KIF26B: variants seen among roughly 807,000 people sequenced by gnomAD.
KIF26B encodes the protein kinesin family member 26B, also known as kinesin-like protein KIF26B.
Under a neutral mutation model 151.2 loss-of-function variants are expected in KIF26B, and 63 were observed. The observed-to-expected ratio is 0.42, with a 90% CI of 0.34 to 0.51. KIF26B has a LOEUF of 0.51. Among genes scored for constraint, KIF26B ranks in the 20% least tolerant of loss-of-function variants. The pLI, the probability that KIF26B is intolerant of heterozygous loss-of-function variation, is 0.07. For synonymous variants in KIF26B, 1,357 were observed against 1,262.1 expected, an observed-to-expected ratio of 1.08 and a Z score of -1.59; for missense variants, 2,813 against 2,913.6, an observed-to-expected ratio of 0.97 and a Z score of 0.79.
intron 4 of KIF26B, among the ~76,000 whole-genome samples, chr1:245,420,207 C>T (rs1768079): frequency 0.052 from 7,905 of 152,228 alleles, 692 homozygotes; most frequent in African/African-American, 0.18. Flanking sequence ...GGCAGGTTTT[C>T]TCCCCCGCTT....
At chr1:245,353,099 G>C (rs563234786) in intron 2 of KIF26B, among the ~76,000 whole-genome samples, 1 of 152,340 alleles carries the variant, frequency 6.6e-6, no homozygotes, top group Non-Finnish European at 1.5e-5. Flanking sequence ...GTTAAAGATA[G>C]TCAGAAGGCT....
At chr1:245,163,490 AGG>A (rs1301501527) in intron 2 of KIF26B, among the ~76,000 whole-genome samples, 2 of 152,132 alleles carry the variant, frequency 1.3e-5, no homozygotes, top group Non-Finnish European at 2.9e-5. Context: ...CATGTTTGGC[AGG>A]GCTAGCTCTC....
chr1:245,677,284 GTGTT>G (rs2044368749), intron 10 of KIF26B, among the ~76,000 whole-genome samples: 1 of 152,192 alleles, frequency 6.6e-6, no homozygotes, highest in Admixed American at 6.5e-5. Flanking sequence ...CCGAATGACA[GTGTT>G]TGCAGAACCT....
intron 2 of KIF26B, among the ~76,000 whole-genome samples, chr1:245,291,367 G>A (rs895621345): frequency 1.3e-5 from 2 of 152,216 alleles, no homozygotes; most frequent in African/African-American, 4.8e-5. Flanking sequence ...AGTCCAACAA[G>A]TATTAGATTT....
At chr1:245,447,903 G>A (rs1659282707) in intron 4 of KIF26B, among the ~76,000 whole-genome samples, 1 of 152,234 alleles carries the variant, frequency 6.6e-6, no homozygotes, top group African/African-American at 2.4e-5. Flanking sequence ...CTGCTCTGCA[G>A]GACCAGTTAT....
chr1:245,614,853 C>T lies in KIF26B; in HGVS notation c.2098+2877C>T, dbSNP rs185438312. The T allele has an allele frequency of 1.3e-4, 14 of 109,888 alleles. No individual in the cohort carries two copies. The South Asian group carries it at 1.9e-3, about 15-fold the overall frequency. The allele number at this position is 109,888 out of a possible 1,614,324, so 6.8% of individuals were successfully genotyped here. ...AGAATCACGTTCTTAAAGAAGGAAACGCATTCGGATAGGGATGAGGAGATG... is the reference window on the plus strand; with the variant it reads ...AGAATCACGTTCTTAAAGAAGGAAATGCATTCGGATAGGGATGAGGAGATG... On this transcript the variant is annotated intron_variant, in intron 9 of 14. Transcript: ENST00000407071.
intron 3 of KIF26B, among the ~76,000 whole-genome samples, chr1:245,395,743 G>A (rs777087831): frequency 6.6e-5 from 10 of 152,090 alleles, no homozygotes; most frequent in Admixed American, 2.0e-4. Context: ...TCATAATCAC[G>A]TCAGCCTACC....
chr1:245,625,043 A>G lies in KIF26B; in HGVS notation c.2098+13067A>G, dbSNP rs969696606. ...GTAAAAAGCTATTATTTCTCTACTA[A>G]ATTACCTTTGTCAAGGATTAGTTGG... On this transcript the variant is annotated intron_variant, in intron 9 of 14. Transcript: ENST00000407071. 3.9e-5 allele frequency among the ~76,000 whole-genome samples: 6 copies of G among 152,120 alleles called. No homozygotes were observed. In the East Asian group the frequency reaches 1.2e-3, roughly 29 times the overall value.
intron 9 of KIF26B, among the ~76,000 whole-genome samples, chr1:245,612,832 G>A (rs1016126704): frequency 2.0e-5 from 3 of 152,110 alleles, no homozygotes; most frequent in Non-Finnish European, 2.9e-5. Flanking sequence ...CCTGCTCTTC[G>A]AGTGAGCTGC....
chr1:245,464,649 G>T (rs1026102355), intron 4 of KIF26B, among the ~76,000 whole-genome samples: 13 of 139,562 alleles, frequency 9.3e-5, no homozygotes, highest in Middle Eastern at 4.2e-3. Context: ...CGTGTGTGTG[G>T]GTGTGCGTGT....
chr1:245,234,788 G>A (rs930285632), intron 2 of KIF26B, among the ~76,000 whole-genome samples: 1 of 152,182 alleles, frequency 6.6e-6, no homozygotes, highest in Non-Finnish European at 1.5e-5. Flanking sequence ...GGGGAGCGCC[G>A]TTTCCAGGCC....
chr1:245,294,044 T>G (rs1272382404), intron 2 of KIF26B, among the ~76,000 whole-genome samples: 1 of 152,218 alleles, frequency 6.6e-6, no homozygotes, highest in Non-Finnish European at 1.5e-5. Context: ...TGTTTGACTG[T>G]TTTGAGTTCT....
At chr1:245,610,423 A>T (rs550108054) in intron 8 of KIF26B, among the ~76,000 whole-genome samples, 71 of 152,340 alleles carry the variant, frequency 4.7e-4, no homozygotes, top group African/African-American at 1.7e-3. Context: ...CAGAGTTTCC[A>T]ATTCAGTAGG....
intron 3 of KIF26B, among the ~76,000 whole-genome samples, chr1:245,380,108 A>G (rs1558143796): frequency 6.6e-6 from 1 of 152,080 alleles, no homozygotes; most frequent in Non-Finnish European, 1.5e-5. Context: ...ATTTGTGAGG[A>G]TTAGTTAATG....
intron 2 of KIF26B, among the ~76,000 whole-genome samples, chr1:245,356,218 C>G (rs73132984): frequency 0.069 from 10,439 of 152,124 alleles, 1,006 homozygotes; most frequent in African/African-American, 0.22. Flanking sequence ...AGCAAAAAAA[C>G]ACAACTATAC....
intron 2 of KIF26B, among the ~76,000 whole-genome samples, chr1:245,157,037 C>A (rs890035107): frequency 6.6e-6 from 1 of 152,160 alleles, no homozygotes; most frequent in African/African-American, 2.4e-5. Flanking sequence ...CCCACCCCCA[C>A]CTGTGATCCT....
At position 245,180,584 on chromosome 1, in the gene KIF26B, T is replaced by A. The variant is rs140288790; in HGVS notation, c.465+23901T>A. On this transcript the variant is annotated intron_variant, in intron 2 of 14. Coordinates refer to ENST00000407071, the MANE Select transcript of KIF26B (RefSeq NM_018012.4). ...TTCCTGAACTGTGACCTTGACTAAA[T>A]GTGGCCCAGTCCTTTAAGAGAGGGG... Among the ~76,000 whole-genome samples, 29 of 152,286 alleles carry A rather than the reference T, an allele frequency of 1.9e-4. No individual in the cohort carries two copies. In the East Asian group the frequency reaches 5.6e-3, roughly 29 times the overall value.
chr1:245,243,514 A>G (rs1670251046), intron 2 of KIF26B, among the ~76,000 whole-genome samples: 1 of 151,874 alleles, frequency 6.6e-6, no homozygotes, highest in South Asian at 2.1e-4. Context: ...TTTGTTGGCT[A>G]TGTGCATAAC....
chr1:245,692,473 G>A (rs2044638306), intron 12 of KIF26B, among the ~76,000 whole-genome samples: 1 of 152,240 alleles, frequency 6.6e-6, no homozygotes, highest in Admixed American at 6.5e-5. Context: ...CAGGCAGAGA[G>A]GGCGCAGGGC....
Sources: allele counts gnomAD v4.1 joint callset (sites outside exome capture counted in the v4.1 genomes callset), GRCh38; gene constraint gnomAD v4.1.1; transcripts MANE v1.5; gene names NCBI Gene and HGNC (gene_info 2026-07-23, HGNC 2026-07-21).